The following AMER1 variants were observed in gnomAD, a reference collection of about 807,000 sequenced individuals.
AMER1 encodes APC membrane recruitment protein 1, also known as RP11-403E24.2.
In AMER1, 16 loss-of-function variants were observed where a neutral mutation model predicts 53.0. That is an observed-to-expected ratio of 0.30 (90% confidence interval 0.20 to 0.46). The LOEUF (loss-of-function observed/expected upper bound fraction) is 0.46. Among genes scored for constraint, AMER1 ranks in the 20% least tolerant of loss-of-function variants. The pLI, the probability that AMER1 is intolerant of heterozygous loss-of-function variation, is 1.00. For missense variants in AMER1, 947 were observed against 884.9 expected, an observed-to-expected ratio of 1.07 and a Z score of -0.89; for synonymous variants, 354 against 331.9, an observed-to-expected ratio of 1.07 and a Z score of -0.73.
In AMER1 at chrX:64,188,648, C is replaced by T; in HGVS notation, c.*1231G>A. 1.2e-6 allele frequency: 1 copy of T among 801,272 alleles called. No homozygotes were observed. The allele number at this position is 801,272 out of a possible 1,213,427, so 66.0% of individuals were successfully genotyped here. ...TACAGAGTCCAAATGATGGGATGGGCAAGGCTTAAGGAACATTTTGTGTTG... is the reference window on the plus strand; with the variant it reads ...TACAGAGTCCAAATGATGGGATGGGTAAGGCTTAAGGAACATTTTGTGTTG... On this transcript the variant is annotated 3_prime_UTR_variant, in exon 2 of 2. Coordinates refer to ENST00000374869, the MANE Select transcript of AMER1 (RefSeq NM_152424.4).
At chrX:64,201,432 C>T (rs1469089392) in intron 1 of AMER1, among the ~76,000 whole-genome samples, 2 of 103,594 alleles carry the variant, frequency 1.9e-5, no homozygotes, top group African/African-American at 7.6e-5. Context: ...GCCAGCTGCT[C>T]GCAACTCCTT....
Position 64,188,085 on chromosome X carries a change from C to T in AMER1, c.*1794G>A. On this transcript the variant is annotated 3_prime_UTR_variant, in exon 2 of 2. Coordinates refer to ENST00000374869, the MANE Select transcript of AMER1 (RefSeq NM_152424.4). ...ACAAAGACCAGCATGGACACATCCCCTGGCCAAGAAACAGTTTGCCCACAA... is the reference window on the plus strand; with the variant it reads ...ACAAAGACCAGCATGGACACATCCCTTGGCCAAGAAACAGTTTGCCCACAA... 46 of 787,991 alleles carry T rather than the reference C, an allele frequency of 5.8e-5. No individual in the cohort carries two copies. Among genetic ancestry groups the T allele is most frequent in the Non-Finnish European group, 6.8e-5 (45 of 659,774 alleles). The allele number at this position is 787,991 out of a possible 1,213,427, so 64.9% of individuals were successfully genotyped here. A position where few individuals can be genotyped will look rare whatever the true frequency, so the allele number is the denominator to read the frequency against.
chrX:64,203,744 G>A (rs1345082397), intron 1 of AMER1, among the ~76,000 whole-genome samples: 22 of 111,302 alleles, frequency 2.0e-4, no homozygotes, highest in African/African-American at 7.2e-4. Flanking sequence ...GTTTGGGTGT[G>A]GGGAAGGGAG....
Position 64,190,322 on chromosome X carries a change from A to G in AMER1, c.2965T>C (p.Tyr989His), listed in dbSNP as rs746199690. ...GGTATGCAACAGGTTGCCTGCCTAT[A>G]TGGAGACTGGCTGGAAGGCCTGTCC... ...QLDRPSSQSP[Y>H]RQATCCIPPM... The change falls in exon 2 of 2, where the codon TAT becomes CAT. Residue 989 changes from tyrosine (Y) to histidine (H), a missense_variant. Transcript: ENST00000374869. 1 of 1,211,775 alleles carries G rather than the reference A, an allele frequency of 8.3e-7. No individual in the cohort carries two copies. The highest frequency in any genetic ancestry group is 2.2e-5 in the Admixed American group (1 of 46,081).
At position 64,185,253 on chromosome X, in the gene AMER1, A is replaced by T. The variant is rs979414850; in HGVS notation, c.*4626T>A. ...AAGTGGAGAGGTCAGAACCCGGGTG[A>T]TTCTGTGATGTCTCAGGGATGGAGA... On this transcript the variant is annotated 3_prime_UTR_variant, in exon 2 of 2. Transcript: ENST00000374869. The T allele has an allele frequency of 1.2e-5, 2 of 160,033 alleles. No individual in the cohort carries two copies. The highest frequency in any genetic ancestry group is 6.1e-5 in the African/African-American group (2 of 32,988). The allele number at this position is 160,033 out of a possible 1,213,427, so 13.2% of individuals were successfully genotyped here.
intron 1 of AMER1, among the ~76,000 whole-genome samples, chrX:64,205,222 C>T (rs904951567): frequency 8.8e-6 from 1 of 113,710 alleles, no homozygotes; most frequent in African/African-American, 3.2e-5. Flanking sequence ...AAATGCATGG[C>T]TTGGGGTGCT....
chrX:64,200,503 T>C (rs1930466290), intron 1 of AMER1, among the ~76,000 whole-genome samples: 1 of 112,248 alleles, frequency 8.9e-6, no homozygotes, highest in African/African-American at 3.2e-5. Flanking sequence ...AGCTTTGGAC[T>C]TCTGAGTTAA....
At chrX:64,204,219 G>A (rs187756481) in intron 1 of AMER1, among the ~76,000 whole-genome samples, 1 of 113,519 alleles carries the variant, frequency 8.8e-6, no homozygotes, top group East Asian at 2.8e-4. Context: ...GGTGGGGCAG[G>A]CAGTCCAACA....
Position 64,185,684 on chromosome X carries a change from T to TCTC in AMER1, c.*4194_*4195insGAG. The TCTC allele has an allele frequency of 5.7e-6, 1 of 176,945 alleles. No individual in the cohort carries two copies. Among genetic ancestry groups the TCTC allele is most frequent in the South Asian group, 2.6e-4 (1 of 3,822 alleles). The allele number at this position is 176,945 out of a possible 1,213,427, so 14.6% of individuals were successfully genotyped here. Reference sequence around the variant, plus strand: ...CTGGAGCAGGGCAGGGGAGGGGGAATGGTGGTAGGGGAGGAGATTCCCCCA... The same window carrying TCTC: ...CTGGAGCAGGGCAGGGGAGGGGGAATCTCGGTGGTAGGGGAGGAGATTCCCCCA... On this transcript the variant is annotated 3_prime_UTR_variant, in exon 2 of 2. Transcript: ENST00000374869.
rs1930094546 is a variant in AMER1, at chrX:64,185,870, G to A, written c.*4009C>T. ...GTCATCTGTCTCCCACAGCTTCTTG[G>A]GGAAAGGGGACATGGTTGAAACCCC... On this transcript the variant is annotated 3_prime_UTR_variant, in exon 2 of 2. Coordinates refer to ENST00000374869, the MANE Select transcript of AMER1 (RefSeq NM_152424.4). 9.3e-6 allele frequency: 3 copies of A among 324,251 alleles called. No homozygotes were observed. Among genetic ancestry groups the A allele is most frequent in the Admixed American group, 5.0e-5 (1 of 19,867 alleles). 26.7% of individuals were successfully genotyped at this position (324,251 alleles called of 1,213,427 possible).
chrX:64,189,937 C>A lies in AMER1; in HGVS notation c.3350G>T (p.Gly1117Val), dbSNP rs1930204514. Residue 1117 changes from glycine to valine, a missense_variant, in exon 2 of 2, where the codon GGT (glycine) becomes GTT (valine). Transcript: ENST00000374869. The stretch of plus-strand genomic sequence containing the variant: ...GGAGTAGCTGGTGGCAAGAGAGGCA[C>A]CTTGCTCAGCCCTCTCCTTTGACAG... ...LDLSKERAEQ[G>V]ASLATSYSST... The A allele has an allele frequency of 8.3e-7, 1 of 1,206,181 alleles. No homozygotes were observed. Among genetic ancestry groups the A allele is most frequent in the South Asian group, 1.8e-5 (1 of 55,816 alleles).
In AMER1 at chrX:64,193,255, G is replaced by A. The variant is rs947597246; in HGVS notation, c.32C>T (p.Ala11Val). ...ACTCCCAGAGGCTGCAGCTCCCTTG[G>A]CCTGAGCAGCTTCATCCTTTTGGGT... The part of the protein sequence containing the change: METQKDEAAQ[A>V]KGAAASGSTR... Residue 11 changes from alanine (A) to valine (V), a missense_variant, in exon 2 of 2, where the codon GCC (alanine) becomes GTC (valine). Transcript: ENST00000374869. The A allele has an allele frequency of 8.3e-7, 1 of 1,209,834 alleles. No homozygotes were observed. Among genetic ancestry groups the A allele is most frequent in the African/African-American group, 1.8e-5 (1 of 57,056 alleles).
chrX:64,196,389 A>G (rs747417384), intron 1 of AMER1, among the ~76,000 whole-genome samples: 1 of 112,463 alleles, frequency 8.9e-6, no homozygotes, highest in East Asian at 2.8e-4. Context: ...GATAATAGGC[A>G]CAAAAAAAGC....
intron 1 of AMER1, among the ~76,000 whole-genome samples, chrX:64,201,491 A>AC (rs1569194256): frequency 9.4e-6 from 1 of 106,720 alleles, no homozygotes; most frequent in African/African-American, 3.5e-5. Context: ...ACACACACAC[A>AC]AGGTTTAACT....
At chrX:64,205,246 CTTCCCGGG>C (rs1930573706) in intron 1 of AMER1, among the ~76,000 whole-genome samples, 4 of 113,472 alleles carry the variant, frequency 3.5e-5, no homozygotes, top group African/African-American at 1.3e-4. Flanking sequence ...TGGCGGCGCC[CTTCCCGGG>C]ACTGTGCGGC....
In AMER1 at chrX:64,189,109, T is replaced by A; in HGVS notation, c.*770A>T. On this transcript the variant is annotated 3_prime_UTR_variant, in exon 2 of 2. Transcript: ENST00000374869. Reference sequence around the variant, plus strand: ...TAGCATTTTTGTCTTTAACCCAAGCTATGGCAGGACAGTTAAAAGGCCCCC... The same window carrying A: ...TAGCATTTTTGTCTTTAACCCAAGCAATGGCAGGACAGTTAAAAGGCCCCC... The A allele has an allele frequency of 2.6e-6, 2 of 779,853 alleles. No homozygotes were observed. The highest frequency in any genetic ancestry group is 6.6e-5 in the South Asian group (1 of 15,096). The allele number at this position is 779,853 out of a possible 1,213,427, so 64.3% of individuals were successfully genotyped here. A position where few individuals can be genotyped will look rare whatever the true frequency, so the allele number is the denominator to read the frequency against.
Position 64,185,512 on chromosome X carries a change from AC to A in AMER1, c.*4366del, listed in dbSNP as rs1309766565. 6.8e-6 allele frequency: 1 copy of A among 147,715 alleles called. No individual in the cohort carries two copies. Among genetic ancestry groups the A allele is most frequent in the African/African-American group, 3.6e-5 (1 of 27,948 alleles). 12.2% of individuals were successfully genotyped at this position (147,715 alleles called of 1,213,427 possible). On this transcript the variant is annotated 3_prime_UTR_variant, in exon 2 of 2. Coordinates refer to ENST00000374869, the MANE Select transcript of AMER1 (RefSeq NM_152424.4). ...TAATAATAACAATAATTAAAGTCCCACCTCTCAATAGACCCAACCCTCACAC... is the reference window on the plus strand; with the variant it reads ...TAATAATAACAATAATTAAAGTCCCACTCTCAATAGACCCAACCCTCACAC...
rs1314151624 is a variant in AMER1, at chrX:64,192,733, G to T, written c.554C>A (p.Thr185Asn). Residue 185 changes from threonine to asparagine, a missense_variant, in exon 2 of 2, where the codon ACT becomes AAT. Transcript: ENST00000374869. ...SIRRHRKSKV[T>N]GAEQSEPGAK... ...CCCTGGCTCACTTTGCTCAGCCCCA[G>T]TGACCTTGCTCTTCCGGTGACGGCG... 3.3e-5 allele frequency: 39 copies of T among 1,198,686 alleles called. No homozygotes were observed. Among genetic ancestry groups the T allele is most frequent in the Non-Finnish European group, 4.0e-5 (36 of 889,618 alleles).
rs1180735663 is a variant in AMER1, at chrX:64,189,826, G to A, written c.*53C>T. 2 of 299,285 alleles carry A rather than the reference G, an allele frequency of 6.7e-6. No homozygotes were observed. The highest frequency in any genetic ancestry group is 9.6e-6 in the Non-Finnish European group (2 of 209,330). The allele number at this position is 299,285 out of a possible 1,213,427, so 24.7% of individuals were successfully genotyped here. On this transcript the variant is annotated 3_prime_UTR_variant, in exon 2 of 2. Transcript: ENST00000374869. ...CCCCCCACCCTTCTGCCCAACCCCT[G>A]ATCCCCATTCACATGCTCAGGCCCC...
Sources: gnomAD v4.1 joint callset for allele counts (sites outside exome capture counted in the v4.1 genomes callset) on GRCh38, gnomAD v4.1.1 for gene constraint, MANE v1.5 for transcripts, NCBI Gene and HGNC (gene_info 2026-07-23, HGNC 2026-07-21) for gene names.